Variants in DNM3 observed in about 807,000 individuals in gnomAD.
The protein encoded by DNM3 is dynamin-3.
A neutral mutation model predicts 101.6 loss-of-function variants in DNM3; 47 were observed. The ratio of observed to expected loss-of-function variants is 0.46; its 90% CI spans 0.37 to 0.59. DNM3 has a LOEUF of 0.59. Among genes scored for constraint, DNM3 ranks in the 20% least tolerant of loss-of-function variants. The pLI, the probability that DNM3 is intolerant of heterozygous loss-of-function variation, is 0.00. For missense variants in DNM3, 849 were observed against 1,085.7 expected, an observed-to-expected ratio of 0.78 and a Z score of 3.06; for synonymous variants, 385 against 387.9, an observed-to-expected ratio of 0.99 and a Z score of 0.09.
intron 1 of DNM3, among the ~76,000 whole-genome samples, chr1:171,918,458 T>G (rs2039896737): frequency 6.6e-6 from 1 of 152,152 alleles, no homozygotes; most frequent in Admixed American, 6.5e-5. Context: ...TGGTTTTCAT[T>G]TTGCTGGACC....
At chr1:172,156,803 G>A (rs1055247600) in intron 14 of DNM3, among the ~76,000 whole-genome samples, 3 of 152,064 alleles carry the variant, frequency 2.0e-5, no homozygotes, top group Non-Finnish European at 4.4e-5. Context: ...AAGCATTAAA[G>A]GACATATAAA....
chr1:172,292,899 C>T (rs1284778019), intron 15 of DNM3, among the ~76,000 whole-genome samples: 1 of 152,048 alleles, frequency 6.6e-6, no homozygotes, highest in African/African-American at 2.4e-5. Flanking sequence ...CACTGGCAAC[C>T]AGAAATTGTA....
intron 17 of DNM3, among the ~76,000 whole-genome samples, chr1:172,346,592 TAGAC>T (rs1357035772): frequency 6.6e-6 from 1 of 152,188 alleles, no homozygotes; most frequent in Non-Finnish European, 1.5e-5. Context: ...GAAATTGGGA[TAGAC>T]AGACTTCTGT....
At chr1:172,286,654 A>G (rs1328970615) in intron 15 of DNM3, among the ~76,000 whole-genome samples, 6 of 152,152 alleles carry the variant, frequency 3.9e-5, no homozygotes, top group African/African-American at 1.2e-4. Flanking sequence ...CACATCTCCA[A>G]CTGCCTACTG....
At chr1:171,916,568 T>C (rs922322752) in intron 1 of DNM3, among the ~76,000 whole-genome samples, 2 of 152,196 alleles carry the variant, frequency 1.3e-5, no homozygotes, top group African/African-American at 4.8e-5. Context: ...TTGTCTTCTT[T>C]CCATCTCTAC....
chr1:171,924,824 CA>C (rs1273075562), intron 2 of DNM3, among the ~76,000 whole-genome samples: 1 of 152,140 alleles, frequency 6.6e-6, no homozygotes, highest in Non-Finnish European at 1.5e-5. Flanking sequence ...TGATGTTGAG[CA>C]TTGTTTTCTT....
At chr1:172,076,260 AAG>A (rs1482993992) in intron 11 of DNM3, among the ~76,000 whole-genome samples, 11 of 152,226 alleles carry the variant, frequency 7.2e-5, no homozygotes, top group African/African-American at 2.7e-4. Flanking sequence ...GTCATCTGCA[AAG>A]AGAGACAATT....
At chr1:172,118,587 T>C (rs1234784375) in intron 13 of DNM3, among the ~76,000 whole-genome samples, 5 of 152,166 alleles carry the variant, frequency 3.3e-5, no homozygotes, top group African/African-American at 9.7e-5. Context: ...ATTTTTTTTT[T>C]CTGCATCTGG....
chr1:171,917,280 C>T (rs1372133648), intron 1 of DNM3, among the ~76,000 whole-genome samples: 10 of 151,946 alleles, frequency 6.6e-5, no homozygotes, highest in South Asian at 2.1e-4. Context: ...TATTTGCTGC[C>T]GGGGGGAATT....
At chr1:171,953,218 G>T (rs2042639415) in intron 2 of DNM3, among the ~76,000 whole-genome samples, 1 of 152,158 alleles carries the variant, frequency 6.6e-6, no homozygotes, top group South Asian at 2.1e-4. Context: ...TGAATGTGAT[G>T]CTTGCTATCG....
intron 15 of DNM3, among the ~76,000 whole-genome samples, chr1:172,298,351 A>G (rs1573352421): frequency 6.6e-6 from 1 of 152,196 alleles, no homozygotes. Context: ...AAGTGTGGGA[A>G]GGCACAGATG....
intron 13 of DNM3, among the ~76,000 whole-genome samples, chr1:172,112,424 G>A (rs373795420): frequency 9.9e-5 from 15 of 152,264 alleles, no homozygotes; most frequent in East Asian, 3.9e-4. Flanking sequence ...CCAAGGCCAC[G>A]TGACTAATAT....
intron 14 of DNM3, among the ~76,000 whole-genome samples, chr1:172,176,419 T>C (rs2059155684): frequency 6.6e-6 from 1 of 151,842 alleles, no homozygotes; most frequent in Non-Finnish European, 1.5e-5. Flanking sequence ...TTGCATTGCA[T>C]TAAGCCACCA....
At chr1:172,271,305 A>T (rs2148748797) in intron 15 of DNM3, among the ~76,000 whole-genome samples, 1 of 152,272 alleles carries the variant, frequency 6.6e-6, no homozygotes, top group East Asian at 1.9e-4. Flanking sequence ...CACCAATTAT[A>T]TTTATTGTTA....
At chr1:171,952,986 G>T (rs184601569) in intron 2 of DNM3, among the ~76,000 whole-genome samples, 4 of 152,262 alleles carry the variant, frequency 2.6e-5, no homozygotes, top group African/African-American at 7.2e-5. Flanking sequence ...TAGTTATTAT[G>T]TCATGGCTTT....
intron 14 of DNM3, among the ~76,000 whole-genome samples, chr1:172,235,096 A>C (rs1470633254): frequency 6.6e-6 from 1 of 152,080 alleles, no homozygotes. Flanking sequence ...TTTGCAATCT[A>C]CTCATCTGAC....
intron 4 of DNM3, among the ~76,000 whole-genome samples, chr1:172,002,537 T>G (rs943012110): frequency 2.0e-5 from 3 of 152,094 alleles, no homozygotes; most frequent in African/African-American, 7.2e-5. Flanking sequence ...TTTATCTGCA[T>G]GTTGAGAAAT....
chr1:172,243,654 T>C (rs2061831184), intron 14 of DNM3, among the ~76,000 whole-genome samples: 1 of 152,168 alleles, frequency 6.6e-6, no homozygotes, highest in African/African-American at 2.4e-5. Context: ...TTCTTGAGAC[T>C]ACTAGAACAG....
At chr1:172,216,666 A>G (rs976054901) in intron 14 of DNM3, among the ~76,000 whole-genome samples, 2 of 152,128 alleles carry the variant, frequency 1.3e-5, no homozygotes, top group Non-Finnish European at 2.9e-5. Flanking sequence ...GGGCAAATGT[A>G]ACGTTCTTTT....
Sources: gnomAD v4.1 joint callset for allele counts (sites outside exome capture counted in the v4.1 genomes callset) on GRCh38, gnomAD v4.1.1 for gene constraint, MANE v1.5 for transcripts, NCBI Gene and HGNC (gene_info 2026-07-23, HGNC 2026-07-21) for gene names.